The following RAB11FIP4 variants were observed in gnomAD, a reference collection of about 807,000 sequenced individuals.
The protein encoded by RAB11FIP4 is RAB11 family interacting protein 4, also known as rab11 family-interacting protein 4.
A neutral mutation model predicts 74.3 loss-of-function variants in RAB11FIP4; 23 were observed. That is an observed-to-expected ratio of 0.31 (90% confidence interval 0.22 to 0.44). The LOEUF is 0.44. RAB11FIP4 is among the 20% of genes least tolerant of loss of function. RAB11FIP4 has a pLI of 1.00. For missense variants in RAB11FIP4, 630 were observed against 863.9 expected, an observed-to-expected ratio of 0.73 and a Z score of 3.39; for synonymous variants, 360 against 359.9, an observed-to-expected ratio of 1.00 and a Z score of 0.00.
chr17:31,493,983 G>A (rs918846624), intron 3 of RAB11FIP4, among the ~76,000 whole-genome samples: 2 of 152,226 alleles, frequency 1.3e-5, no homozygotes, highest in Non-Finnish European at 2.9e-5. Context: ...CCACCCCCCT[G>A]CTTTGGGGTG....
At chr17:31,505,513 A>AT (rs2072311888) in intron 3 of RAB11FIP4, among the ~76,000 whole-genome samples, 1 of 59,878 alleles carries the variant, frequency 1.7e-5, no homozygotes, top group African/African-American at 6.3e-5. Context: ...ATTATATATA[A>AT]TAATTATATA....
Position 31,469,704 on chromosome 17 carries a change from G to C in RAB11FIP4, c.336+35582G>C, listed in dbSNP as rs532276813. On this transcript the variant is annotated intron_variant, in intron 3 of 14. Coordinates refer to ENST00000621161, the MANE Select transcript of RAB11FIP4 (RefSeq NM_032932.6). ...ATTTTGATTTGGGGCATAAGGAAAG[G>C]CCTCTTTGAGACATTACGAAAGAGT... Among the ~76,000 whole-genome samples, 4 of 151,648 alleles carry C rather than the reference G, an allele frequency of 2.6e-5. No individual in the cohort carries two copies. In the East Asian group the frequency reaches 7.7e-4, roughly 29 times the overall value.
Position 31,531,882 on chromosome 17 carries a change from G to A in RAB11FIP4, c.*150G>A, listed in dbSNP as rs558714377. Reference sequence around the variant, plus strand: ...ACGTGTACCCGTGTATATGTGGGGAGGCTGTGCACACGAGCGAGGGGTGAG... The same window carrying A: ...ACGTGTACCCGTGTATATGTGGGGAAGCTGTGCACACGAGCGAGGGGTGAG... On this transcript the variant is annotated 3_prime_UTR_variant, in exon 15 of 15. Coordinates refer to ENST00000621161, the MANE Select transcript of RAB11FIP4 (RefSeq NM_032932.6). 2.9e-5 allele frequency: 19 copies of A among 652,106 alleles called. No homozygotes were observed. Among genetic ancestry groups the A allele is most frequent in the Admixed American group, 2.0e-4 (8 of 40,328 alleles). The allele number at this position is 652,106 out of a possible 1,614,324, so 40.4% of individuals were successfully genotyped here. A position where few individuals can be genotyped will look rare whatever the true frequency, so the allele number is the denominator to read the frequency against.
At chr17:31,500,497 C>G (rs1259291598) in intron 3 of RAB11FIP4, among the ~76,000 whole-genome samples, 1 of 152,162 alleles carries the variant, frequency 6.6e-6, no homozygotes, top group Non-Finnish European at 1.5e-5. Context: ...GCAGCCTGAC[C>G]CAGGATAAAA....
chr17:31,497,522 GC>G (rs1195306345), intron 3 of RAB11FIP4, among the ~76,000 whole-genome samples: 1 of 152,258 alleles, frequency 6.6e-6, no homozygotes, highest in East Asian at 1.9e-4. Context: ...TGTGTCAGGG[GC>G]CCCGTCCTTC....
chr17:31,451,029 G>A (rs1335525358), intron 3 of RAB11FIP4, among the ~76,000 whole-genome samples: 9 of 151,940 alleles, frequency 5.9e-5, no homozygotes, highest in African/African-American at 1.2e-4. Flanking sequence ...ACTATGTCCC[G>A]AGCCATCCAC....
At chr17:31,518,924 C>A (rs2072611460) in intron 4 of RAB11FIP4, among the ~76,000 whole-genome samples, 1 of 151,984 alleles carries the variant, frequency 6.6e-6, no homozygotes, top group Admixed American at 6.6e-5. Context: ...CCTCCGCCTC[C>A]CGGGTTCAAG....
chr17:31,418,336 C>T lies in RAB11FIP4; in HGVS notation c.160-13477C>T, dbSNP rs565313630. Among the ~76,000 whole-genome samples the T allele has an allele frequency of 9.9e-5, 15 of 151,944 alleles. No homozygotes were observed. The East Asian group carries it at 2.7e-3, about 27-fold the overall frequency. On this transcript the variant is annotated intron_variant, in intron 1 of 14. Transcript: ENST00000621161. ...CCGGGAGGCGGAGGTTGCAGTGAGC[C>T]GAGATCGCACCATTGCATTCCAGCC... is the stretch of plus-strand genomic sequence containing the variant.
At chr17:31,456,531 G>T (rs1481908753) in intron 3 of RAB11FIP4, among the ~76,000 whole-genome samples, 1 of 152,170 alleles carries the variant, frequency 6.6e-6, no homozygotes, top group Non-Finnish European at 1.5e-5. Context: ...TTAGGATTTT[G>T]TACCAGAAAA....
intron 2 of RAB11FIP4, among the ~76,000 whole-genome samples, chr17:31,433,762 C>T (rs1205483568): frequency 6.6e-6 from 1 of 152,202 alleles, no homozygotes; most frequent in Non-Finnish European, 1.5e-5. Context: ...CCCAGGAAGG[C>T]CTCCTTCCTT....
At chr17:31,490,205 A>G (rs1284085374) in intron 3 of RAB11FIP4, among the ~76,000 whole-genome samples, 1 of 151,976 alleles carries the variant, frequency 6.6e-6, no homozygotes, top group Non-Finnish European at 1.5e-5. Flanking sequence ...GTGCCTTCCT[A>G]GCCCCTTCCC....
intron 3 of RAB11FIP4, among the ~76,000 whole-genome samples, chr17:31,487,582 G>C (rs1389577516): frequency 6.6e-6 from 1 of 152,134 alleles, no homozygotes; most frequent in Non-Finnish European, 1.5e-5. Flanking sequence ...GACTCTGGAT[G>C]AAAGTCAGCC....
In RAB11FIP4 at chr17:31,464,749, C is replaced by CTTTTTTTT. The variant is rs58083480; in HGVS notation, c.336+30649_336+30656dup. Among the ~76,000 whole-genome samples the CTTTTTTTT allele has an allele frequency of 8.6e-4, 34 of 39,644 alleles. 9 individuals carry two copies. Among genetic ancestry groups the CTTTTTTTT allele is most frequent in the African/African-American group, 1.5e-3 (14 of 9,256 alleles). 26.0% of individuals were successfully genotyped at this position (39,644 alleles called of 152,430 possible). A position where few individuals can be genotyped will look rare whatever the true frequency, so the allele number is the denominator to read the frequency against. On this transcript the variant is annotated intron_variant, in intron 3 of 14. Coordinates refer to ENST00000621161, the MANE Select transcript of RAB11FIP4 (RefSeq NM_032932.6). ...TACAGGCATGAGCCACTGTGCCCGG[C>CTTTTTTTT]TTTTTTTTTTTTTTTTTTTTTTTTT...
intron 3 of RAB11FIP4, among the ~76,000 whole-genome samples, chr17:31,503,950 A>C (rs1212908681): frequency 6.7e-6 from 1 of 149,720 alleles, no homozygotes; most frequent in Non-Finnish European, 1.5e-5. Flanking sequence ...CAGGCATATG[A>C]AAGGTGCTCA....
At chr17:31,461,282 G>A (rs1008219178) in intron 3 of RAB11FIP4, among the ~76,000 whole-genome samples, 5 of 152,030 alleles carry the variant, frequency 3.3e-5, no homozygotes, top group Admixed American at 2.0e-4. Context: ...CATCATCTAC[G>A]TCCACATCTC....
At chr17:31,472,162 C>CAAA (rs35973497) in intron 3 of RAB11FIP4, among the ~76,000 whole-genome samples, 2 of 142,456 alleles carry the variant, frequency 1.4e-5, no homozygotes, top group Non-Finnish European at 1.5e-5. Context: ...AAGTCTGTCT[C>CAAA]AAAAAAAAAA....
At chr17:31,498,649 G>A (rs1292030411) in intron 3 of RAB11FIP4, among the ~76,000 whole-genome samples, 2 of 152,212 alleles carry the variant, frequency 1.3e-5, no homozygotes, top group Non-Finnish European at 2.9e-5. Flanking sequence ...GAGGAGCTGG[G>A]TGGGAACCCA....
intron 9 of RAB11FIP4, chr17:31,524,886 C>A: frequency 3.1e-6 from 2 of 653,034 alleles, no homozygotes; most frequent in Non-Finnish European, 5.3e-6. Flanking sequence ...GACTGCCAGG[C>A]CTGCCCCTCC....
intron 3 of RAB11FIP4, among the ~76,000 whole-genome samples, chr17:31,467,697 C>T (rs2071698867): frequency 6.6e-6 from 1 of 152,180 alleles, no homozygotes; most frequent in Non-Finnish European, 1.5e-5. Context: ...CCATTCAAGC[C>T]TGTGGAGGGC....
Sources: gnomAD v4.1 joint callset for allele counts (sites outside exome capture counted in the v4.1 genomes callset) on GRCh38, gnomAD v4.1.1 for gene constraint, MANE v1.5 for transcripts, NCBI Gene and HGNC (gene_info 2026-07-23, HGNC 2026-07-21) for gene names.